The following SUCLG2 variants were observed in gnomAD, a reference collection of about 807,000 sequenced individuals.
SUCLG2 encodes succinate-CoA ligase GDP-forming subunit beta, also known as succinate--CoA ligase [GDP-forming] subunit beta, mitochondrial.
Under a neutral mutation model 47.9 loss-of-function variants are expected in SUCLG2, and 42 were observed. That is an observed-to-expected ratio of 0.88 (90% confidence interval 0.69 to 1.14). The LOEUF is 1.14. Among genes scored for constraint, SUCLG2 ranks in the 50% most tolerant of loss-of-function variants. SUCLG2 has a pLI of 0.00. For synonymous variants in SUCLG2, 195 were observed against 197.3 expected (o/e 0.99, Z 0.10); for missense variants, 571 against 525.9 (o/e 1.09, Z -0.84).
intron 9 of SUCLG2, among the ~76,000 whole-genome samples, chr3:67,493,259 T>C (rs1705249047): frequency 6.6e-6 from 1 of 152,248 alleles, no homozygotes; most frequent in Admixed American, 6.5e-5. Context: ...AAATACTCAT[T>C]ACATTTCTAT....
chr3:67,409,208 G>C (rs913433667), intron 9 of SUCLG2, among the ~76,000 whole-genome samples: 1 of 152,148 alleles, frequency 6.6e-6, no homozygotes, highest in Admixed American at 6.6e-5. Context: ...AGGTACAAGA[G>C]TGGGGCCTGG....
chr3:67,605,099 T>G (rs1700382936), intron 2 of SUCLG2, among the ~76,000 whole-genome samples: 1 of 152,144 alleles, frequency 6.6e-6, no homozygotes, highest in Admixed American at 6.5e-5. Context: ...TATATAGAAC[T>G]TTCTCAGTGT....
chr3:67,442,823 T>C (rs996592632), intron 9 of SUCLG2, among the ~76,000 whole-genome samples: 3 of 152,162 alleles, frequency 2.0e-5, no homozygotes, highest in African/African-American at 7.2e-5. Context: ...CAAGAAATAT[T>C]GCCCTGTAAT....
intron 2 of SUCLG2, among the ~76,000 whole-genome samples, chr3:67,581,004 C>A (rs1374310287): frequency 6.6e-6 from 1 of 152,120 alleles, no homozygotes. Flanking sequence ...TGTTTGTGTT[C>A]CTGAAATCAA....
chr3:67,588,089 C>G (rs1708069660), intron 2 of SUCLG2, among the ~76,000 whole-genome samples: 1 of 152,136 alleles, frequency 6.6e-6, no homozygotes, highest in South Asian at 2.1e-4. Context: ...CCATAACAGA[C>G]AATGAACCTT....
intron 2 of SUCLG2, among the ~76,000 whole-genome samples, chr3:67,552,730 T>C (rs569292464): frequency 6.6e-6 from 1 of 152,206 alleles, no homozygotes; most frequent in Non-Finnish European, 1.5e-5. Flanking sequence ...ATCTCATGGT[T>C]TATTGGGAGA....
intron 9 of SUCLG2, among the ~76,000 whole-genome samples, chr3:67,462,283 G>T (rs1320615141): frequency 6.6e-6 from 1 of 151,886 alleles, no homozygotes; most frequent in Non-Finnish European, 1.5e-5. Context: ...TCTGATTATG[G>T]GTCATTAGAC....
Position 67,445,023 on chromosome 3 carries a change from C to T in SUCLG2, c.1063-44172G>A, listed in dbSNP as rs1194565017. 2.5e-3 allele frequency among the ~76,000 whole-genome samples: 137 copies of T among 54,646 alleles called. 31 individuals carry two copies. The highest frequency in any genetic ancestry group is 8.4e-3 in the African/African-American group (130 of 15,468). 35.8% of individuals were successfully genotyped at this position (54,646 alleles called of 152,430 possible). On this transcript the variant is annotated intron_variant, in intron 9 of 10. Transcript: ENST00000307227. ...GGGGTCAGCCCCCCGCCCGGCCAGC[C>T]GCCCCGTCCGGGAGGTGAGGGGCGC...
intron 10 of SUCLG2, among the ~76,000 whole-genome samples, chr3:67,368,166 G>C (rs1267934179): frequency 6.6e-6 from 1 of 152,116 alleles, no homozygotes; most frequent in Non-Finnish European, 1.5e-5. Context: ...TTGCTTCACT[G>C]TCTTTTGGTA....
At chr3:67,522,661 C>CTT (rs201002662) in intron 4 of SUCLG2, among the ~76,000 whole-genome samples, 18 of 134,470 alleles carry the variant, frequency 1.3e-4, no homozygotes, top group Admixed American at 8.9e-4. Flanking sequence ...GCTTTTCTTT[C>CTT]TTTTTTTTTT....
chr3:67,523,031 G>C, intron 4 of SUCLG2, among the ~76,000 whole-genome samples: 1 of 151,954 alleles, frequency 6.6e-6, no homozygotes, highest in African/African-American at 2.4e-5. Context: ...CTCGTGATTC[G>C]CCCACCTCCG....
At position 67,582,872 on chromosome 3, in the gene SUCLG2, A is replaced by C. The variant is rs556993739; in HGVS notation, c.226+26583T>G. On this transcript the variant is annotated intron_variant, in intron 2 of 10. Coordinates refer to ENST00000307227, the MANE Select transcript of SUCLG2 (RefSeq NM_003848.4). ...TGGAATGACATTCCCCTCCCCCACC[A>C]AAAAAAACACCTTTTATTACATCAC... is the stretch of plus-strand genomic sequence containing the variant. Among the ~76,000 whole-genome samples the C allele has an allele frequency of 6.5e-3, 960 of 148,480 alleles. 7 individuals carry two copies. The highest frequency in any genetic ancestry group is 0.016 in the African/African-American group (620 of 38,656).
At chr3:67,654,319 C>T (rs747576162) in intron 1 of SUCLG2, among the ~76,000 whole-genome samples, 184 bp downstream of exon 1, 10 of 152,204 alleles carry the variant, frequency 6.6e-5, no homozygotes, top group Non-Finnish European at 1.5e-4. Context: ...CCGCGCCGCC[C>T]CTGCCCCACA....
intron 7 of SUCLG2, among the ~76,000 whole-genome samples, chr3:67,499,748 C>A (rs889192325): frequency 3.3e-5 from 5 of 149,598 alleles, no homozygotes; most frequent in Middle Eastern, 3.4e-3. Flanking sequence ...TTATTTATTT[C>A]GGAGACAGAG....
chr3:67,641,708 T>C (rs1701103372), intron 1 of SUCLG2, among the ~76,000 whole-genome samples: 1 of 152,136 alleles, frequency 6.6e-6, no homozygotes, highest in Non-Finnish European at 1.5e-5. Flanking sequence ...TACCACATAC[T>C]GGGTATCCTA....
At chr3:67,479,924 T>A (rs1704867230) in intron 9 of SUCLG2, among the ~76,000 whole-genome samples, 3 of 152,218 alleles carry the variant, frequency 2.0e-5, no homozygotes, top group Non-Finnish European at 4.4e-5. Flanking sequence ...TCTGGAAGAT[T>A]ATCCTTAATT....
At chr3:67,521,586 CCTTT>C (rs138866713) in intron 4 of SUCLG2, among the ~76,000 whole-genome samples, 2,141 of 151,844 alleles carry the variant, frequency 0.014, 73 homozygotes, top group African/African-American at 0.05. Flanking sequence ...CAACAGGATG[CCTTT>C]CTTTTTTTTA....
rs771143012 is a variant in SUCLG2 at position 67,520,466 on chromosome 3, C to T, written c.570+16G>A. 89 of 1,613,814 alleles carry T rather than the reference C, an allele frequency of 5.5e-5. No individual in the cohort carries two copies. Among genetic ancestry groups the T allele is most frequent in the Admixed American group, 8.3e-5 (5 of 60,010 alleles). On this transcript the variant is annotated intron_variant, in intron 5 of 10. Transcript: ENST00000307227. The stretch of plus-strand genomic sequence containing the variant: ...AACAATCAATTAATAGCAGGTAGCC[C>T]GGAATTTAAACATACCTTAAAAATG...
intron 10 of SUCLG2, among the ~76,000 whole-genome samples, chr3:67,396,716 C>G (rs545081481): frequency 6.6e-6 from 1 of 151,984 alleles, no homozygotes; most frequent in Non-Finnish European, 1.5e-5. Context: ...AGAGACACAA[C>G]CAAAAAAGAG....
Sources: gnomAD v4.1 joint callset for allele counts (sites outside exome capture counted in the v4.1 genomes callset) on GRCh38, gnomAD v4.1.1 for gene constraint, MANE v1.5 for transcripts, NCBI Gene and HGNC (gene_info 2026-07-23, HGNC 2026-07-21) for gene names.